The following ELOA2 variants were observed in gnomAD, a reference collection of about 807,000 sequenced individuals.
The protein encoded by ELOA2 is elongin-A2.
For missense variants in ELOA2, 1,271 were observed against 979.7 expected (o/e 1.30, Z -3.97); for synonymous variants, 497 against 398.8 (o/e 1.25, Z -2.94).
In ELOA2 at chr18:47,033,666, A is replaced by G. The variant is rs773610963; in HGVS notation, c.1599T>C (p.Cys533=). The part of the protein sequence containing the change: ...QLQVPTLRQQ[C]AQVLRNNPDA... ...CCGGATTGTTTCTAAGCACCTGGGC[A>G]CACTGCTGGCGCAGCGTCGGCACCT... The change falls in exon 1 of 1, where the codon TGT becomes TGC. Residue 533 remains cysteine (C), a synonymous_variant. Coordinates refer to ENST00000332567, the MANE Select transcript of ELOA2 (RefSeq NM_016427.3). 1.2e-6 allele frequency: 2 copies of G among 1,614,204 alleles called. No homozygotes were observed. The highest frequency in any genetic ancestry group is 1.7e-6 in the Non-Finnish European group (2 of 1,180,040).
Position 47,034,696 on chromosome 18 carries a change from C to T in ELOA2, c.569G>A (p.Gly190Glu). ...MPEGPEPAAP[G>E]KQPGRGHTHA... ...AGTGTGGCCTCTTCCGGGTTGCTTCCCGGGCGCAGCGGGCTCAGGGCCCTC... is the reference window on the plus strand; with the variant it reads ...AGTGTGGCCTCTTCCGGGTTGCTTCTCGGGCGCAGCGGGCTCAGGGCCCTC... Residue 190 changes from glycine to glutamate, a missense_variant, in exon 1 of 1, where the codon GGG (glycine) becomes GAG (glutamate). Coordinates refer to ENST00000332567, the MANE Select transcript of ELOA2 (RefSeq NM_016427.3). 6.2e-7 allele frequency: 1 copy of T among 1,613,030 alleles called. No individual in the cohort carries two copies. Among genetic ancestry groups the T allele is most frequent in the Non-Finnish European group, 8.5e-7 (1 of 1,179,862 alleles).
rs774047592 is a variant in ELOA2 at position 47,033,214 on chromosome 18, G to A, written c.2051C>T (p.Thr684Ile). ...GCCGCTGCTGCTCTGGCTGGAGGGAGTGTGGCTGCTTCCCGCGGGCTTGGA... is the reference window on the plus strand; with the variant it reads ...GCCGCTGCTGCTCTGGCTGGAGGGAATGTGGCTGCTTCCCGCGGGCTTGGA... The part of the protein sequence containing the change: ...PASKPAGSSH[T>I]PSSQSSSGGG... Residue 684 changes from threonine to isoleucine, a missense_variant, in exon 1 of 1, where the codon ACT (threonine) becomes ATT (isoleucine). Physicochemically the swap from Thr to Ile is moderately conservative, Grantham distance 89. Coordinates refer to ENST00000332567, the MANE Select transcript of ELOA2 (RefSeq NM_016427.3). 1 of 1,614,036 alleles carries A rather than the reference G, an allele frequency of 6.2e-7. No individual in the cohort carries two copies. Among genetic ancestry groups the A allele is most frequent in the Middle Eastern group, 1.7e-4 (1 of 5,942 alleles).
In ELOA2 at chr18:47,035,016, G is replaced by T. The variant is rs1298389162; in HGVS notation, c.249C>A (p.Thr83=). ...WKKLVLVDRN[T]RPGPQDPEES... is the part of the protein sequence containing the mutation. Reference sequence around the variant, plus strand: ...CCTCAGGGTCCTGTGGGCCAGGCCGGGTGTTTCGGTCCACGAGCACCAGCT... The same window carrying T: ...CCTCAGGGTCCTGTGGGCCAGGCCGTGTGTTTCGGTCCACGAGCACCAGCT... The change falls in exon 1 of 1, where the codon ACC becomes ACA. Residue 83 remains threonine, a synonymous_variant. Transcript: ENST00000332567. 2.5e-6 allele frequency: 4 copies of T among 1,611,574 alleles called. No homozygotes were observed. In the East Asian group the frequency reaches 6.7e-5, roughly 27 times the overall value.
rs1052452197 is a variant in ELOA2 at position 47,033,914 on chromosome 18, G to T, written c.1351C>A (p.Pro451Thr). Residue 451 changes from proline (P) to threonine (T), a missense_variant, in exon 1 of 1, where the codon CCG becomes ACG. Transcript: ENST00000332567. ...LQAAGADSAGPKTVPSHVFSE... is the reference protein window; with the variant it reads ...LQAAGADSAGTKTVPSHVFSE... ...AAGACATGGCTGGGCACCGTTTTCG[G>T]CCCGGCGGAATCAGCGCCGGCCGCC... 1.7e-5 allele frequency: 27 copies of T among 1,612,968 alleles called. No homozygotes were observed. The highest frequency in any genetic ancestry group is 2.3e-5 in the Non-Finnish European group (27 of 1,180,040).
In ELOA2 at chr18:47,035,357, TG is replaced by T; in HGVS notation, c.-94del. ...GAAGTCTGGGGTGGCCGGTCCTCGC[TG>T]CCCGGTCGCCAGGCAGCGACCTCGG... On this transcript the variant is annotated 5_prime_UTR_variant, in exon 1 of 1. It removes the in-frame stop codon of an upstream open reading frame in the 5' UTR. Coordinates refer to ENST00000332567, the MANE Select transcript of ELOA2 (RefSeq NM_016427.3). 6.3e-7 allele frequency: 1 copy of T among 1,586,630 alleles called. No individual in the cohort carries two copies. The highest frequency in any genetic ancestry group is 8.6e-7 in the Non-Finnish European group (1 of 1,166,050).
In ELOA2 at chr18:47,032,668, A is replaced by G. The variant is rs532307492; in HGVS notation, c.*335T>C. The G allele has an allele frequency of 3.1e-5, 12 of 381,724 alleles. No homozygotes were observed. Among genetic ancestry groups the G allele is most frequent in the African/African-American group, 2.1e-4 (10 of 48,486 alleles). 23.6% of individuals were successfully genotyped at this position (381,724 alleles called of 1,614,324 possible). A position where few individuals can be genotyped will look rare whatever the true frequency, so the allele number is the denominator to read the frequency against. On this transcript the variant is annotated 3_prime_UTR_variant, in exon 1 of 1. Coordinates refer to ENST00000332567, the MANE Select transcript of ELOA2 (RefSeq NM_016427.3). Reference sequence around the variant, plus strand: ...GTTCTTATCTACTTGATTTCGAAAAAAAAAAGAAAGGAAAAAGGAAATCTC... The same window carrying G: ...GTTCTTATCTACTTGATTTCGAAAAGAAAAAGAAAGGAAAAAGGAAATCTC...
At position 47,032,597 on chromosome 18, in the gene ELOA2, G is replaced by A. The variant is rs894237294; in HGVS notation, c.*406C>T. The A allele has an allele frequency of 1.3e-4, 31 of 244,076 alleles. No individual in the cohort carries two copies. Among genetic ancestry groups the A allele is most frequent in the African/African-American group, 6.5e-4 (28 of 43,370 alleles). 15.1% of individuals were successfully genotyped at this position (244,076 alleles called of 1,614,324 possible). A position where few individuals can be genotyped will look rare whatever the true frequency, so the allele number is the denominator to read the frequency against. On this transcript the variant is annotated 3_prime_UTR_variant, in exon 1 of 1. Coordinates refer to ENST00000332567, the MANE Select transcript of ELOA2 (RefSeq NM_016427.3). ...GCAACAGCAAACATTTTATGTATTC[G>A]GAGTTATCAGTGTCAACTAATGGCT...
Position 47,034,149 on chromosome 18 carries a change from C to A in ELOA2, c.1116G>T (p.Met372Ile), listed in dbSNP as rs149697053. Residue 372 changes from methionine to isoleucine, a missense_variant, in exon 1 of 1, where the codon ATG becomes ATT. Physicochemically the swap from Met to Ile is conservative, Grantham distance 10. Coordinates refer to ENST00000332567, the MANE Select transcript of ELOA2 (RefSeq NM_016427.3). ...GAGTGGGCTGCTCGAATTCCTCAGC[C>A]ATATCTACCTCCTCCACCTCAGAGA... is the stretch of plus-strand genomic sequence containing the variant. The part of the protein sequence containing the change: ...SSLSEVEEVD[M>I]AEEFEQPTLS... 6.3e-4 allele frequency: 1,021 copies of A among 1,614,206 alleles called. 3 individuals carry two copies. The African/African-American group carries it at 0.013, about 20-fold the overall frequency.
In ELOA2 at chr18:47,034,629, C is replaced by A. The variant is rs2146961360; in HGVS notation, c.636G>T (p.Gln212His). 6.2e-7 allele frequency: 1 copy of A among 1,614,050 alleles called. No individual in the cohort carries two copies. Among genetic ancestry groups the A allele is most frequent in the East Asian group, 2.2e-5 (1 of 44,858 alleles). ...QGGPLLCPGC[Q>H]GQPQGKAVVS... ...CAACGGCTTTCCCCTGGGGTTGGCC[C>A]TGGCAGCCTGGACACAGCAGAGGCC... The change falls in exon 1 of 1, where the codon CAG (glutamine) becomes CAT (histidine). Residue 212 changes from glutamine (Q) to histidine (H), a missense_variant. Physicochemically the swap from Gln to His is conservative, Grantham distance 24 (BLOSUM62 0). Coordinates refer to ENST00000332567, the MANE Select transcript of ELOA2 (RefSeq NM_016427.3).
chr18:47,035,465 C>T lies in ELOA2; in HGVS notation c.-201G>A. 1.8e-6 allele frequency: 2 copies of T among 1,125,768 alleles called. No individual in the cohort carries two copies. The highest frequency in any genetic ancestry group is 3.3e-5 in the South Asian group (2 of 60,954). The allele number at this position is 1,125,768 out of a possible 1,614,324, so 69.7% of individuals were successfully genotyped here. A position where few individuals can be genotyped will look rare whatever the true frequency, so the allele number is the denominator to read the frequency against. Reference sequence around the variant, plus strand: ...CTGGAACGGCCGTCCTTGCAGACAGCTGAGCAGGCCCGCTTTTGTTCCTCG... The same window carrying T: ...CTGGAACGGCCGTCCTTGCAGACAGTTGAGCAGGCCCGCTTTTGTTCCTCG... On this transcript the variant is annotated 5_prime_UTR_variant, in exon 1 of 1. Coordinates refer to ENST00000332567, the MANE Select transcript of ELOA2 (RefSeq NM_016427.3).
chr18:47,034,151 T>C lies in ELOA2; in HGVS notation c.1114A>G (p.Met372Val). 6.2e-7 allele frequency: 1 copy of C among 1,614,214 alleles called. No homozygotes were observed. Among genetic ancestry groups the C allele is most frequent in the Non-Finnish European group, 8.5e-7 (1 of 1,180,042 alleles). The change falls in exon 1 of 1, where the codon ATG (methionine) becomes GTG (valine). Residue 372 changes from methionine (M) to valine (V), a missense_variant. By Grantham distance (21) the Met-to-Val change is conservative. Transcript: ENST00000332567. ...SSLSEVEEVD[M>V]AEEFEQPTLS... is the part of the protein sequence containing the mutation. The stretch of plus-strand genomic sequence containing the variant: ...GTGGGCTGCTCGAATTCCTCAGCCA[T>C]ATCTACCTCCTCCACCTCAGAGAGG...
rs925004150 is a variant in ELOA2, at chr18:47,035,216, G to C, written c.49C>G (p.Arg17Gly). 1 of 1,612,702 alleles carries C rather than the reference G, an allele frequency of 6.2e-7. No individual in the cohort carries two copies. The highest frequency in any genetic ancestry group is 2.0e-4 in the Middle Eastern group (1 of 5,036). Residue 17 changes from arginine to glycine, a missense_variant, in exon 1 of 1, where the codon CGT (arginine) becomes GGT (glycine). By Grantham distance (125) the Arg-to-Gly change is moderately radical. Coordinates refer to ENST00000332567, the MANE Select transcript of ELOA2 (RefSeq NM_016427.3). The stretch of plus-strand genomic sequence containing the variant: ...TTCGGCTCCGTCTTAGTGGCCAGAC[G>C]CACCTGCAGCTTCTCCACTGCGTGC... ...TLHAVEKLQV[R>G]LATKTEPKKL...
Position 47,034,864 on chromosome 18 carries a change from C to T in ELOA2, c.401G>A (p.Arg134Lys). 6.2e-7 allele frequency: 1 copy of T among 1,612,114 alleles called. No homozygotes were observed. The highest frequency in any genetic ancestry group is 8.5e-7 in the Non-Finnish European group (1 of 1,179,928). Reference protein sequence around the residue: ...HSPEHRRTARRTPPGQQRPHP... With the variant: ...HSPEHRRTARKTPPGQQRPHP... ...AGGTCTCTGTTGCCCCGGAGGTGTT[C>T]TGCGTGCTGTCCGTCTGTGCTCAGG... The change falls in exon 1 of 1, where the codon AGA becomes AAA. Residue 134 changes from arginine to lysine, a missense_variant. Physicochemically the swap from Arg to Lys is conservative, Grantham distance 26 (BLOSUM62 2). Coordinates refer to ENST00000332567, the MANE Select transcript of ELOA2 (RefSeq NM_016427.3).
chr18:47,033,413 G>A lies in ELOA2; in HGVS notation c.1852C>T (p.Arg618Trp). ...YLRLPDAPEQ[R>W]LRVMTTNIRS... Reference sequence around the variant, plus strand: ...ATATTCGTTGTCATTACTCTCAGCCGCTGCTCTGGGGCGTCCGGAAGCCGC... The same window carrying A: ...ATATTCGTTGTCATTACTCTCAGCCACTGCTCTGGGGCGTCCGGAAGCCGC... The change falls in exon 1 of 1, where the codon CGG becomes TGG. Residue 618 changes from arginine (R) to tryptophan (W), a missense_variant. Physicochemically the swap from Arg to Trp is moderately radical, Grantham distance 101. Transcript: ENST00000332567. 3.1e-6 allele frequency: 5 copies of A among 1,613,424 alleles called. No individual in the cohort carries two copies. The highest frequency in any genetic ancestry group is 4.5e-5 in the East Asian group (2 of 44,884).
At position 47,034,915 on chromosome 18, in the gene ELOA2, G is replaced by A. The variant is rs780181773; in HGVS notation, c.350C>T (p.Thr117Met). 31 of 1,611,870 alleles carry A rather than the reference G, an allele frequency of 1.9e-5. No homozygotes were observed. Among genetic ancestry groups the A allele is most frequent in the Non-Finnish European group, 2.4e-5 (28 of 1,179,888 alleles). Residue 117 changes from threonine (T) to methionine (M), a missense_variant, in exon 1 of 1, where the codon ACG becomes ATG. Transcript: ENST00000332567. ...GCTGTGAGATGGGCTCCTGGGGGCC[G>A]TCGCGTTTTCTGGGAAGCCCCAGGC... Reference protein sequence around the residue: ...EKAWGFPENATAPRSPSHSPE... With the variant: ...EKAWGFPENAMAPRSPSHSPE...
Position 47,035,000 on chromosome 18 carries a change from C to G in ELOA2, c.265G>C (p.Asp89His). The G allele has an allele frequency of 6.2e-7, 1 of 1,611,546 alleles. No homozygotes were observed. The highest frequency in any genetic ancestry group is 8.5e-7 in the Non-Finnish European group (1 of 1,179,494). Residue 89 changes from aspartate (D) to histidine (H), a missense_variant, in exon 1 of 1, where the codon GAC (aspartate) becomes CAC (histidine). Coordinates refer to ENST00000332567, the MANE Select transcript of ELOA2 (RefSeq NM_016427.3). Reference protein sequence around the residue: ...VDRNTRPGPQDPEESASRQRF... With the variant: ...VDRNTRPGPQHPEESASRQRF... ...TGTCGGGAAGCGCTCTCCTCAGGGT[C>G]CTGTGGGCCAGGCCGGGTGTTTCGG...
At position 47,034,498 on chromosome 18, in the gene ELOA2, G is replaced by A; in HGVS notation, c.767C>T (p.Ala256Val). ...PTLIREKSCG[A>V]CLREETPRMP... ...CCTTGGGGTTTCCTCTCTTAAGCAG[G>A]CCCCGCATGATTTCTCCCTGATCAA... The change falls in exon 1 of 1, where the codon GCC becomes GTC. Residue 256 changes from alanine to valine, a missense_variant. Transcript: ENST00000332567. 2.5e-6 allele frequency: 4 copies of A among 1,614,182 alleles called. No individual in the cohort carries two copies. The highest frequency in any genetic ancestry group is 2.2e-5 in the South Asian group (2 of 91,088).
Position 47,033,053 on chromosome 18 carries a change from G to T in ELOA2, c.2212C>A (p.Leu738Met). The change falls in exon 1 of 1, where the codon CTG becomes ATG. Residue 738 changes from leucine (L) to methionine (M), a missense_variant. By Grantham distance (15) the Leu-to-Met change is conservative. Transcript: ENST00000332567. ...RKQAAKKVAP[L>M]MAKAIRDYKR... Reference sequence around the variant, plus strand: ...TAGTCTCGAATTGCCTTGGCCATCAGCGGGGCCACTTTCTTGGCAGCCTGT... The same window carrying T: ...TAGTCTCGAATTGCCTTGGCCATCATCGGGGCCACTTTCTTGGCAGCCTGT... 1 of 1,614,138 alleles carries T rather than the reference G, an allele frequency of 6.2e-7. No homozygotes were observed. Among genetic ancestry groups the T allele is most frequent in the Admixed American group, 1.7e-5 (1 of 60,034 alleles).
chr18:47,032,988 A>T lies in ELOA2; in HGVS notation c.*15T>A, dbSNP rs199820971. ...AAAATCCCCCCAGATTTTATCTGCA[A>T]GGCAAGTCCTGAGTTTATCGTCGGG... On this transcript the variant is annotated 3_prime_UTR_variant, in exon 1 of 1. Transcript: ENST00000332567. The T allele has an allele frequency of 1.2e-6, 2 of 1,613,890 alleles. No homozygotes were observed. Among genetic ancestry groups the T allele is most frequent in the Non-Finnish European group, 1.7e-6 (2 of 1,180,046 alleles).
Sources: allele counts gnomAD v4.1 joint callset, GRCh38; gene constraint gnomAD v4.1.1; transcripts MANE v1.5; gene names NCBI Gene and HGNC (gene_info 2026-07-23, HGNC 2026-07-21).